The following ROBO2 variants were observed in gnomAD, a reference collection of about 807,000 sequenced individuals.
ROBO2 encodes roundabout guidance receptor 2, also known as roundabout homolog 2.
Under a neutral mutation model 160.8 loss-of-function variants are expected in ROBO2, and 53 were observed. The ratio of observed to expected loss-of-function variants is 0.33; its 90% CI spans 0.26 to 0.41. The LOEUF (loss-of-function observed/expected upper bound fraction) is 0.41. ROBO2 is among the 10% of genes least tolerant of loss of function. The pLI, the probability that ROBO2 is intolerant of heterozygous loss-of-function variation, is 1.00. For synonymous variants in ROBO2, 664 were observed against 611.7 expected, an observed-to-expected ratio of 1.09 and a Z score of -1.26; for missense variants, 1,577 against 1,722.4, an observed-to-expected ratio of 0.92 and a Z score of 1.49.
chr3:76,454,489 G>T (rs2077645223), intron 2 of ROBO2, among the ~76,000 whole-genome samples: 1 of 152,136 alleles, frequency 6.6e-6, no homozygotes, highest in Non-Finnish European at 1.5e-5. Context: ...AAGGTGGTTG[G>T]AGATCAGGAG....
At position 76,466,863 on chromosome 3, in the gene ROBO2, C is replaced by T. The variant is rs994442588; in HGVS notation, c.109+529261C>T. Among the ~76,000 whole-genome samples the T allele has an allele frequency of 3.9e-5, 6 of 151,904 alleles. No individual in the cohort carries two copies. The East Asian group carries it at 5.8e-4, about 15-fold the overall frequency. On this transcript the variant is annotated intron_variant, in intron 2 of 26. Transcript: ENST00000487694. ...AGTATTGCACTCCTATCATGATTCACGATCATGAAATAAAATTTGCTTTAA... is the reference window on the plus strand; with the variant it reads ...AGTATTGCACTCCTATCATGATTCATGATCATGAAATAAAATTTGCTTTAA...
chr3:76,751,101 T>C (rs894038816), intron 2 of ROBO2, among the ~76,000 whole-genome samples: 10 of 151,976 alleles, frequency 6.6e-5, no homozygotes, highest in Non-Finnish European at 7.4e-5. Flanking sequence ...AACAGAGATA[T>C]AGACCAATGG....
intron 2 of ROBO2, among the ~76,000 whole-genome samples, chr3:76,623,310 T>C (rs899062972): frequency 6.6e-6 from 1 of 152,196 alleles, no homozygotes; most frequent in African/African-American, 2.4e-5. Flanking sequence ...GGTTTATTTT[T>C]GTCTGCTGAG....
intron 2 of ROBO2, among the ~76,000 whole-genome samples, chr3:76,861,096 T>C (rs1368429080): frequency 6.6e-6 from 1 of 152,180 alleles, no homozygotes; most frequent in African/African-American, 2.4e-5. Flanking sequence ...TAGCCAATAC[T>C]GTCACCACTT....
intron 2 of ROBO2, among the ~76,000 whole-genome samples, chr3:76,415,137 C>T (rs2075700373): frequency 6.6e-6 from 1 of 152,126 alleles, no homozygotes; most frequent in South Asian, 2.1e-4. Context: ...CCAGAATCTC[C>T]TGTGTTTCTC....
At chr3:77,543,804 C>T (rs1270340086) in intron 6 of ROBO2, among the ~76,000 whole-genome samples, 1 of 152,132 alleles carries the variant, frequency 6.6e-6, no homozygotes, top group Admixed American at 6.6e-5. Context: ...GTTTTACTAA[C>T]TACTTTTGTG....
intron 2 of ROBO2, among the ~76,000 whole-genome samples, chr3:75,957,227 CACACACGCACACACACACAAA>C (rs1458137441): frequency 1.7e-3 from 177 of 102,208 alleles, no homozygotes; most frequent in African/African-American, 4.4e-3. Context: ...ACACACAAAA[CACACACGCACACACACACAAA>C]ACACACACAC....
chr3:76,024,409 G>T (rs1230436736), intron 2 of ROBO2, among the ~76,000 whole-genome samples: 1 of 150,562 alleles, frequency 6.6e-6, no homozygotes, highest in African/African-American at 2.4e-5. Flanking sequence ...AGTTTTCTTT[G>T]TATTTATTTT....
intron 2 of ROBO2, among the ~76,000 whole-genome samples, chr3:76,224,831 C>A (rs948729704): frequency 3.9e-5 from 6 of 152,150 alleles, no homozygotes; most frequent in African/African-American, 1.4e-4. Context: ...CTGGCATTTT[C>A]ATTGATTTAG....
intron 2 of ROBO2, among the ~76,000 whole-genome samples, chr3:76,345,339 C>G (rs1335878032): frequency 2.0e-5 from 3 of 151,560 alleles, no homozygotes; most frequent in Non-Finnish European, 4.4e-5. Context: ...TGTAACTAGA[C>G]TTTTCAAAAT....
intron 2 of ROBO2, among the ~76,000 whole-genome samples, chr3:77,174,592 T>C (rs1470472098): frequency 6.6e-6 from 1 of 152,088 alleles, no homozygotes; most frequent in Non-Finnish European, 1.5e-5. Context: ...ATGTGAATTA[T>C]TTATTGCTTA....
intron 2 of ROBO2, among the ~76,000 whole-genome samples, chr3:76,924,784 C>A: frequency 6.6e-6 from 1 of 152,216 alleles, no homozygotes; most frequent in Non-Finnish European, 1.5e-5. Context: ...TGGTATGTCC[C>A]TTCTGACACC....
chr3:77,027,587 G>C (rs777696719), intron 2 of ROBO2, among the ~76,000 whole-genome samples: 2 of 152,158 alleles, frequency 1.3e-5, no homozygotes, highest in Non-Finnish European at 2.9e-5. Context: ...TTAAATGATG[G>C]GAACTGTTAA....
intron 2 of ROBO2, among the ~76,000 whole-genome samples, chr3:76,901,646 A>G (rs1457713716): frequency 2.0e-5 from 3 of 150,182 alleles, no homozygotes; most frequent in African/African-American, 7.3e-5. Context: ...CATTCTAGTT[A>G]TTGAAAGACA....
Position 76,634,819 on chromosome 3 carries a change from G to A in ROBO2, c.110-463195G>A, listed in dbSNP as rs568480200. 2.6e-5 allele frequency among the ~76,000 whole-genome samples: 4 copies of A among 152,258 alleles called. No individual in the cohort carries two copies. In the East Asian group the frequency reaches 5.8e-4, roughly 22 times the overall value. On this transcript the variant is annotated intron_variant, in intron 2 of 26. Coordinates refer to the ROBO2 transcript ENST00000487694. ...GTTAGAACCTGGCCACGCAGCAGGA[G>A]GTGAGCAGCAGGAGGTGCGCAGCAG...
chr3:77,125,904 C>T (rs779243665), intron 2 of ROBO2, among the ~76,000 whole-genome samples: 56 of 152,146 alleles, frequency 3.7e-4, no homozygotes, highest in Non-Finnish European at 7.4e-4. Flanking sequence ...TTCTGAAGTA[C>T]TATTAGTTGT....
intron 21 of ROBO2, among the ~76,000 whole-genome samples, chr3:77,613,893 C>T (rs900894555): frequency 2.6e-5 from 4 of 152,126 alleles, no homozygotes; most frequent in Non-Finnish European, 5.9e-5. Flanking sequence ...AGGAAACCTT[C>T]ATACAAGATA....
rs926497059 is a variant in ROBO2, at chr3:76,943,940, T to C, written c.110-154074T>C. The stretch of plus-strand genomic sequence containing the variant: ...GTAATGTGACTAATAAATTATACAA[T>C]GATTCAAGCTGGGCTTATTTATCTA... On this transcript the variant is annotated intron_variant, in intron 2 of 26. Transcript: ENST00000487694. 7.2e-5 allele frequency among the ~76,000 whole-genome samples: 11 copies of C among 152,214 alleles called. No individual in the cohort carries two copies. In the East Asian group the frequency reaches 2.1e-3, roughly 29 times the overall value.
At chr3:76,148,716 T>C (rs767260553) in intron 2 of ROBO2, among the ~76,000 whole-genome samples, 1 of 152,116 alleles carries the variant, frequency 6.6e-6, no homozygotes, top group South Asian at 2.1e-4. Context: ...TCCCTTCTTA[T>C]GAATTCATCC....
Sources: allele counts gnomAD v4.1 joint callset (sites outside exome capture counted in the v4.1 genomes callset), GRCh38; gene constraint gnomAD v4.1.1; transcripts MANE v1.5; gene names NCBI Gene and HGNC (gene_info 2026-07-23, HGNC 2026-07-21).